SLC13A5: variants seen among roughly 807,000 people sequenced by gnomAD.
SLC13A5 encodes Na(+)/citrate cotransporter.
A neutral mutation model predicts 56.5 loss-of-function variants in SLC13A5; 25 were observed. The observed-to-expected ratio is 0.44, with a 90% CI of 0.32 to 0.62. The LOEUF is 0.62. SLC13A5 is among the 20% of genes least tolerant of loss of function. The pLI is 0.04. For synonymous variants in SLC13A5, 307 were observed against 301.5 expected, an observed-to-expected ratio of 1.02 and a Z score of -0.19; for missense variants, 649 against 737.8, an observed-to-expected ratio of 0.88 and a Z score of 1.39.
rs62061545 is a variant in SLC13A5 at position 6,713,350 on chromosome 17, T to G, written c.-17A>C. 37,009 of 1,611,372 alleles carry G rather than the reference T, an allele frequency of 0.023. 502 individuals carry two copies. Among genetic ancestry groups the G allele is most frequent in the Middle Eastern group, 0.041 (246 of 6,056 alleles). On this transcript the variant is annotated 5_prime_UTR_variant, in exon 1 of 12. Transcript: ENST00000433363. The surrounding 1 kb of genome is among the most constrained non-coding windows in gnomAD (Gnocchi z 7.3). ...CGAGGCCATCGCGCGGGAGGGAGAC[T>G]GGCGGGCGAGACGAGTGAGGGGCAG...
At chr17:6,705,324 C>T (rs929839365) in intron 3 of SLC13A5, 3 of 152,120 alleles carry the variant, frequency 2.0e-5, no homozygotes, top group East Asian at 1.9e-4. Context: ...CTTGGACAAC[C>T]GGAGACCATA....
chr17:6,704,037 C>A lies in SLC13A5; in HGVS notation c.388G>T (p.Gly130Cys). ...CACATGGACAGGAGGGCTGTGACGC[C>A]CATGAAGCCCAGCATCAGCCTGCAG... is the stretch of plus-strand genomic sequence containing the variant. ...KPARLMLGFM[G>C]VTALLSMWIS... Residue 130 changes from glycine (G) to cysteine (C), a missense_variant, in exon 4 of 12, where the codon GGC (glycine) becomes TGC (cysteine). Transcript: ENST00000433363. 6.2e-7 allele frequency: 1 copy of A among 1,612,092 alleles called. No homozygotes were observed.
At chr17:6,706,964 G>A (rs201126749) in intron 2 of SLC13A5, 64 bp downstream of exon 2, 2 of 1,603,508 alleles carry the variant, frequency 1.2e-6, no homozygotes, top group African/African-American at 1.3e-5. Flanking sequence ...GACTCACAGT[G>A]GGGACTAGAG....
Position 6,698,180 on chromosome 17 carries a change from G to A in SLC13A5, c.840-2239C>T, listed in dbSNP as rs111524212. 8.1e-4 allele frequency among the ~76,000 whole-genome samples: 124 copies of A among 152,334 alleles called. 1 individual carries two copies. Among genetic ancestry groups the A allele is most frequent in the Non-Finnish European group, 1.5e-3 (102 of 68,028 alleles). ...TACCCCGGCCAGCCACACTGCATGCGTCCAAACTAGAGTGGCCCGTCGGGA... is the reference window on the plus strand; with the variant it reads ...TACCCCGGCCAGCCACACTGCATGCATCCAAACTAGAGTGGCCCGTCGGGA... On this transcript the variant is annotated intron_variant, in intron 6 of 11. Coordinates refer to ENST00000433363, the MANE Select transcript of SLC13A5 (RefSeq NM_177550.5).
chr17:6,689,468 T>G (rs1279642449), intron 10 of SLC13A5: 3 of 152,260 alleles, frequency 2.0e-5, no homozygotes, highest in Non-Finnish European at 4.4e-5. Flanking sequence ...AAAAGCCCGT[T>G]TTCAAAGAGC....
At position 6,685,346 on chromosome 17, in the gene SLC13A5, A is replaced by T. The variant is rs1230104320; in HGVS notation, c.*861T>A. On this transcript the variant is annotated 3_prime_UTR_variant, in exon 12 of 12. Transcript: ENST00000433363. The surrounding 1 kb of genome is among the most constrained non-coding windows in gnomAD (Gnocchi z 4.2). ...GTGATCCTAGCTATTTGGGGATGGC[A>T]GGGGAAGCATCTCCCAGAAAAGATG... 1 of 152,234 alleles carries T rather than the reference A, an allele frequency of 6.6e-6. No individual in the cohort carries two copies. The highest frequency in any genetic ancestry group is 6.5e-5 in the Admixed American group (1 of 15,278). 9.4% of individuals were successfully genotyped at this position (152,234 alleles called of 1,614,324 possible). A position where few individuals can be genotyped will look rare whatever the true frequency, so the allele number is the denominator to read the frequency against.
intron 3 of SLC13A5, among the ~76,000 whole-genome samples, chr17:6,706,084 G>A (rs1973856339): frequency 6.6e-6 from 1 of 152,160 alleles, no homozygotes; most frequent in African/African-American, 2.4e-5. Context: ...TTATGGTTAT[G>A]ATTATGATTA....
intron 1 of SLC13A5, among the ~76,000 whole-genome samples, chr17:6,708,125 A>G (rs1471316705): frequency 6.6e-6 from 1 of 152,138 alleles, no homozygotes; most frequent in African/African-American, 2.4e-5. Context: ...ACCTGCCACC[A>G]CGCCCTGCTA....
chr17:6,699,766 C>T (rs1442210560), intron 6 of SLC13A5, among the ~76,000 whole-genome samples: 16 of 152,102 alleles, frequency 1.1e-4, no homozygotes, highest in Non-Finnish European at 1.6e-4. Context: ...CTACCACGCC[C>T]GGCTAATTTT....
intron 9 of SLC13A5, among the ~76,000 whole-genome samples, chr17:6,691,385 A>T (rs1217969694): frequency 6.6e-6 from 1 of 152,086 alleles, no homozygotes; most frequent in African/African-American, 2.4e-5. Context: ...AAGTCACCCA[A>T]ATGTCTCACA....
chr17:6,702,731 G>A (rs983874479), intron 5 of SLC13A5, among the ~76,000 whole-genome samples: 3 of 152,224 alleles, frequency 2.0e-5, no homozygotes, highest in Non-Finnish European at 4.4e-5. Flanking sequence ...AGCAGACTGG[G>A]ACGTTAGCTC....
intron 6 of SLC13A5, 60 bp from the exon 7 acceptor site, chr17:6,696,001 GA>G (rs1302134169): frequency 1.3e-6 from 2 of 1,482,022 alleles, no homozygotes; most frequent in African/African-American, 2.8e-5. Flanking sequence ...GTGCTGGTCA[GA>G]TGGAGCCTAA....
At position 6,701,925 on chromosome 17, in the gene SLC13A5, C is replaced by G. The variant is rs1973725284; in HGVS notation, c.717-799G>C. On this transcript the variant is annotated intron_variant, in intron 5 of 11. Transcript: ENST00000433363. This position sits in a 1 kb window ranked among gnomAD's most constrained non-coding sequence, Gnocchi z 4.1. ...CCCGCCTCCCATCCCCGGGGCTCTGCTAGCCCCAGGGGCGCCCCCTTTAGC... is the reference window on the plus strand; with the variant it reads ...CCCGCCTCCCATCCCCGGGGCTCTGGTAGCCCCAGGGGCGCCCCCTTTAGC... Among the ~76,000 whole-genome samples, 3 of 152,268 alleles carry G rather than the reference C, an allele frequency of 2.0e-5. No individual in the cohort carries two copies. The South Asian group carries it at 6.2e-4, about 32-fold the overall frequency.
rs1973226648 is a variant in SLC13A5 at position 6,685,746 on chromosome 17, A to G, written c.*461T>C. 6.4e-6 allele frequency: 1 copy of G among 156,980 alleles called. No homozygotes were observed. The highest frequency in any genetic ancestry group is 1.4e-5 in the Non-Finnish European group (1 of 70,866). The allele number at this position is 156,980 out of a possible 1,614,324, so 9.7% of individuals were successfully genotyped here. On this transcript the variant is annotated 3_prime_UTR_variant, in exon 12 of 12. Coordinates refer to ENST00000433363, the MANE Select transcript of SLC13A5 (RefSeq NM_177550.5). This position sits in a 1 kb window ranked among gnomAD's most constrained non-coding sequence, Gnocchi z 4.2. Reference sequence around the variant, plus strand: ...CTTCCAGAGTGACAGAGATGATCTGAGGCTGCTCAAGGTGAGCTGGAAGGG... The same window carrying G: ...CTTCCAGAGTGACAGAGATGATCTGGGGCTGCTCAAGGTGAGCTGGAAGGG...
rs1309868362 is a variant in SLC13A5, at chr17:6,685,254, C to T, written c.*953G>A. ...TAACAGCTGTGTCCACTCTGGGCCT[C>T]AGGTGAGGGAGGGCCTAGATAGCCC... On this transcript the variant is annotated 3_prime_UTR_variant, in exon 12 of 12. Transcript: ENST00000433363. The surrounding 1 kb of genome is among the most constrained non-coding windows in gnomAD (Gnocchi z 4.2). 6 of 152,258 alleles carry T rather than the reference C, an allele frequency of 3.9e-5. No individual in the cohort carries two copies. The highest frequency in any genetic ancestry group is 8.8e-5 in the Non-Finnish European group (6 of 68,064). The allele number at this position is 152,258 out of a possible 1,614,324, so 9.4% of individuals were successfully genotyped here. A position where few individuals can be genotyped will look rare whatever the true frequency, so the allele number is the denominator to read the frequency against.
At chr17:6,691,927 C>T (rs1973416773) in intron 9 of SLC13A5, among the ~76,000 whole-genome samples, 1 of 152,210 alleles carries the variant, frequency 6.6e-6, no homozygotes, top group Non-Finnish European at 1.5e-5. Context: ...GCCTCATCTT[C>T]TACTTCTCCT....
rs780485815 is a variant in SLC13A5 at position 6,713,252 on chromosome 17, C to G, written c.82G>C (p.Val28Leu). 1.2e-6 allele frequency: 2 copies of G among 1,613,998 alleles called. No individual in the cohort carries two copies. Among genetic ancestry groups the G allele is most frequent in the East Asian group, 4.5e-5 (2 of 44,864 alleles). The change falls in exon 1 of 12, where the codon GTC becomes CTC. Residue 28 changes from valine to leucine, a missense_variant. Coordinates refer to ENST00000433363, the MANE Select transcript of SLC13A5 (RefSeq NM_177550.5). The surrounding 1 kb of genome is among the most constrained non-coding windows in gnomAD (Gnocchi z 7.3). The stretch of plus-strand genomic sequence containing the variant: ...CTGACCTTGGCGGGCATCAGAATGA[C>G]GAGTGGCAGCAGCAGGAGCGGGGTG... Reference protein sequence around the residue: ...FVTPLLLLPLVILMPAKFVRC... With the variant: ...FVTPLLLLPLLILMPAKFVRC...
chr17:6,700,413 A>G (rs1231944515), intron 6 of SLC13A5, among the ~76,000 whole-genome samples: 1 of 151,920 alleles, frequency 6.6e-6, no homozygotes, highest in Admixed American at 6.6e-5. Flanking sequence ...CTCGACTTAA[A>G]CTCCCCGTGC....
chr17:6,705,414 G>T (rs1023836945), intron 3 of SLC13A5: 5 of 152,142 alleles, frequency 3.3e-5, no homozygotes, highest in African/African-American at 1.2e-4. Context: ...CCAGCATGCT[G>T]CAGAATGAAA....
Sources: gnomAD v4.1 joint callset for allele counts (sites outside exome capture counted in the v4.1 genomes callset) on GRCh38, gnomAD v4.1.1 for gene constraint, Gnocchi (gnomAD v3.1) non-coding constraint, MANE v1.5 for transcripts, NCBI Gene and HGNC (gene_info 2026-07-23, HGNC 2026-07-21) for gene names.